The following RAB43 variants were observed in gnomAD, a reference collection of about 807,000 sequenced individuals.
The protein encoded by RAB43 is RAB43, member RAS oncogene family.
In RAB43, 6 loss-of-function variants were observed where a neutral mutation model predicts 18.8. The ratio of observed to expected loss-of-function variants is 0.32; its 90% CI spans 0.17 to 0.63. The LOEUF is 0.63. RAB43 is among the 30% of genes least tolerant of loss of function. The pLI is 0.79. For synonymous variants in RAB43, 103 were observed against 124.1 expected, an observed-to-expected ratio of 0.83 and a Z score of 1.13; for missense variants, 195 against 289.1, an observed-to-expected ratio of 0.67 and a Z score of 2.36.
Position 129,095,263 on chromosome 3 carries a change from TTCCACTGGGC to T in RAB43, c.205-104_205-95del. 3 of 1,483,162 alleles carry T rather than the reference TTCCACTGGGC, an allele frequency of 2.0e-6. No homozygotes were observed. The highest frequency in any genetic ancestry group is 2.7e-6 in the Non-Finnish European group (3 of 1,108,012). 91.9% of individuals were successfully genotyped at this position (1,483,162 alleles called of 1,614,324 possible). On this transcript the variant is annotated intron_variant, in intron 1 of 2. Transcript: ENST00000315150. This position sits in a 1 kb window ranked among gnomAD's most constrained non-coding sequence, Gnocchi z 4.2. ...CACAGACCCACACCCAGAGCTGTGG[TTCCACTGGGC>T]TAGGAGGCCTTCTGAGTCCTTAGAA...
chr3:129,113,415 C>T (rs1245397125), intron 1 of RAB43, among the ~76,000 whole-genome samples: 2 of 152,022 alleles, frequency 1.3e-5, no homozygotes, highest in East Asian at 1.9e-4. Flanking sequence ...CGGCCCGCCT[C>T]GGCCTCCCAA....
chr3:129,114,232 G>T (rs1935349571), intron 1 of RAB43, among the ~76,000 whole-genome samples: 1 of 152,140 alleles, frequency 6.6e-6, no homozygotes, highest in African/African-American at 2.4e-5. Context: ...TTAAAATGTT[G>T]ACATGACACT....
chr3:129,093,378 G>A (rs531567076), intron 2 of RAB43, among the ~76,000 whole-genome samples: 2 of 152,158 alleles, frequency 1.3e-5, no homozygotes, highest in Non-Finnish European at 2.9e-5. Flanking sequence ...TTTAGAGGTC[G>A]AGACGGGTGG....
At chr3:129,103,260 C>T (rs1416312534) in intron 1 of RAB43, among the ~76,000 whole-genome samples, 1 of 152,206 alleles carries the variant, frequency 6.6e-6, no homozygotes, top group Non-Finnish European at 1.5e-5. Context: ...ATCCCCACCT[C>T]CCTACCGCCA....
At chr3:129,104,627 G>A (rs112320107) in intron 1 of RAB43, among the ~76,000 whole-genome samples, 102 of 152,328 alleles carry the variant, frequency 6.7e-4, no homozygotes, top group African/African-American at 2.3e-3. Flanking sequence ...TCAGTCCTGG[G>A]CTTCAGGCCC....
rs746771675 is a variant in RAB43, at chr3:129,091,243, C to T, written c.492G>A (p.Lys164=). 2 of 1,594,806 alleles carry T rather than the reference C, an allele frequency of 1.3e-6. No individual in the cohort carries two copies. Among genetic ancestry groups the T allele is most frequent in the Non-Finnish European group, 8.5e-7 (1 of 1,169,618 alleles). The change falls in exon 3 of 3, where the codon AAG becomes AAA. Residue 164 remains lysine, a synonymous_variant. Transcript: ENST00000315150. The stretch of plus-strand genomic sequence containing the variant: ...AGGCCTCCTCCACGTTGCTCGAGTC[C>T]TTGGCAGACGTCTCAATGGCACACA... ...DILCAIETSA[K]DSSNVEEAFL... is the part of the protein sequence containing the mutation.
At chr3:129,097,227 C>G (rs73862913) in intron 1 of RAB43, among the ~76,000 whole-genome samples, 1,952 of 152,166 alleles carry the variant, frequency 0.013, 30 homozygotes, top group African/African-American at 0.044. Context: ...TCAAGTATTT[C>G]AAGAAAAGTA....
rs139694875 is a variant in RAB43, at chr3:129,117,824, T to C, written c.204+3462A>G. Among the ~76,000 whole-genome samples the C allele has an allele frequency of 5.2e-3, 794 of 152,102 alleles. 3 individuals are homozygous for C. The highest frequency in any genetic ancestry group is 0.018 in the African/African-American group (750 of 41,482). On this transcript the variant is annotated intron_variant, in intron 1 of 2. Coordinates refer to ENST00000315150, the MANE Select transcript of RAB43 (RefSeq NM_198490.3). ...CCAAACCCTTGGTTTTGCCACAGAGTTGTAAGTGACCTTGGCCTCAGCTTT... is the reference window on the plus strand; with the variant it reads ...CCAAACCCTTGGTTTTGCCACAGAGCTGTAAGTGACCTTGGCCTCAGCTTT...
intron 1 of RAB43, among the ~76,000 whole-genome samples, chr3:129,109,858 G>GT (rs919226388): frequency 1.3e-5 from 2 of 151,562 alleles, no homozygotes; most frequent in African/African-American, 4.9e-5. Context: ...AGTGTGCTTG[G>GT]TTTTGTCTTT....
chr3:129,100,051 C>T (rs1283795572), intron 1 of RAB43, among the ~76,000 whole-genome samples: 1 of 151,874 alleles, frequency 6.6e-6, no homozygotes, highest in African/African-American at 2.4e-5. Flanking sequence ...AGAAAAAATA[C>T]AAAATACACA....
At chr3:129,120,989 G>T (rs1325884804) in intron 1 of RAB43, among the ~76,000 whole-genome samples, 1 of 151,854 alleles carries the variant, frequency 6.6e-6, no homozygotes, top group African/African-American at 2.4e-5. Flanking sequence ...GCCTTCCAAT[G>T]GCTAAAGTTA....
At chr3:129,113,025 G>C (rs1367741124) in intron 1 of RAB43, among the ~76,000 whole-genome samples, 1 of 152,004 alleles carries the variant, frequency 6.6e-6, no homozygotes, top group Non-Finnish European at 1.5e-5. Context: ...GCAGGTGCAG[G>C]TTCTAGAGAA....
rs1384894070 is a variant in RAB43 at position 129,121,359 on chromosome 3, G to A, written c.131C>T (p.Ser44Leu). Residue 44 changes from serine (S) to leucine (L), a missense_variant, in exon 1 of 3, where the codon TCG becomes TTG. Coordinates refer to ENST00000315150, the MANE Select transcript of RAB43 (RefSeq NM_198490.3). ...GCCGATGGTGCTTCCCTGGCGCTCC[G>A]AGAAGGCGCCGGTCTTGAAGCGCTG... ...VVQRFKTGAF[S>L]ERQGSTIGVD... 6 of 1,610,976 alleles carry A rather than the reference G, an allele frequency of 3.7e-6. No individual in the cohort carries two copies. The highest frequency in any genetic ancestry group is 3.3e-5 in the South Asian group (3 of 90,466).
At chr3:129,117,140 T>C (rs1042082720) in intron 1 of RAB43, among the ~76,000 whole-genome samples, 1 of 152,246 alleles carries the variant, frequency 6.6e-6, no homozygotes, top group Non-Finnish European at 1.5e-5. Context: ...GGGAGACTTT[T>C]CACTATATAT....
chr3:129,104,213 A>G (rs1396231501), intron 1 of RAB43, among the ~76,000 whole-genome samples: 1 of 152,186 alleles, frequency 6.6e-6, no homozygotes, highest in East Asian at 1.9e-4. Context: ...GGGGACATAA[A>G]CAACCTTAAA....
chr3:129,110,327 T>C (rs573409775), intron 1 of RAB43, among the ~76,000 whole-genome samples: 1 of 151,586 alleles, frequency 6.6e-6, no homozygotes, highest in South Asian at 2.1e-4. Flanking sequence ...GGGGAAAGAG[T>C]ATGCTTCCTT....
rs769498401 is a variant in RAB43 at position 129,091,273 on chromosome 3, G to A, written c.462C>T (p.Asp154=). 11 of 1,581,308 alleles carry A rather than the reference G, an allele frequency of 7.0e-6. No individual in the cohort carries two copies. The South Asian group carries it at 1.3e-4, about 18-fold the overall frequency. ...CAGACGTCTCAATGGCACACAGGAT[G>A]TCATAGTGCTCAGCCAGGCTCTGTG... The part of the protein sequence containing the change: ...AEAQSLAEHY[D]ILCAIETSAK... Residue 154 remains aspartate, a synonymous_variant, in exon 3 of 3, where the codon GAC becomes GAT. Coordinates refer to ENST00000315150, the MANE Select transcript of RAB43 (RefSeq NM_198490.3).
At chr3:129,105,589 G>C (rs1204841023) in intron 1 of RAB43, among the ~76,000 whole-genome samples, 1 of 151,796 alleles carries the variant, frequency 6.6e-6, no homozygotes, top group Admixed American at 6.6e-5. Flanking sequence ...AGACCAGCCT[G>C]GCCAACATAG....
At chr3:129,094,940 C>A in intron 2 of RAB43, 46 bp downstream of exon 2, 1 of 1,582,142 alleles carries the variant, frequency 6.3e-7, no homozygotes, top group Non-Finnish European at 8.6e-7. Context: ...GAGGCATGGA[C>A]AGGCAGAGTG....
Sources: allele counts gnomAD v4.1 joint callset (sites outside exome capture counted in the v4.1 genomes callset), GRCh38; gene constraint gnomAD v4.1.1; non-coding constraint Gnocchi (gnomAD v3.1); transcripts MANE v1.5; gene names NCBI Gene and HGNC (gene_info 2026-07-23, HGNC 2026-07-21).